RIC1: variants seen among roughly 807,000 people sequenced by gnomAD.
The protein encoded by RIC1 is RIC1 partner of RAB6A GEF complex.
A neutral mutation model predicts 169.0 loss-of-function variants in RIC1; 88 were observed. The ratio of observed to expected loss-of-function variants is 0.52; its 90% CI spans 0.44 to 0.62. The LOEUF (loss-of-function observed/expected upper bound fraction) is 0.62, where lower values mean the gene tolerates loss of function less well. Among genes scored for constraint, RIC1 ranks in the 20% least tolerant of loss-of-function variants. The pLI, the probability that RIC1 is intolerant of heterozygous loss-of-function variation, is 0.00. For missense variants in RIC1, 1,877 were observed against 1,725.5 expected (o/e 1.09, Z -1.56); for synonymous variants, 790 against 601.5 (o/e 1.31, Z -4.59).
At chr9:5,688,387 C>A (rs62557384) in intron 2 of RIC1, among the ~76,000 whole-genome samples, 3,965 of 152,208 alleles carry the variant, frequency 0.026, 76 homozygotes, top group Middle Eastern at 0.044. Context: ...GGATGACTGG[C>A]CTTCATTGCT....
At chr9:5,742,426 G>A (rs1825135168) in intron 8 of RIC1, among the ~76,000 whole-genome samples, 1 of 152,034 alleles carries the variant, frequency 6.6e-6, no homozygotes, top group South Asian at 2.1e-4. Context: ...GGTGTCATTT[G>A]CTGTACTTCC....
chr9:5,714,874 A>C (rs147282488), intron 4 of RIC1, among the ~76,000 whole-genome samples: 67 of 152,144 alleles, frequency 4.4e-4, no homozygotes, highest in Non-Finnish European at 7.1e-4. Context: ...ATATTGAACT[A>C]TGTAAATGTA....
At chr9:5,676,136 C>T (rs971143586) in intron 2 of RIC1, among the ~76,000 whole-genome samples, 1 of 152,152 alleles carries the variant, frequency 6.6e-6, no homozygotes, top group Non-Finnish European at 1.5e-5. Context: ...AGGCTGGTCT[C>T]AATCTCCTGG....
At chr9:5,745,790 G>A in intron 10 of RIC1, 141 bp from the exon 11 acceptor site, 1 of 670,460 alleles carries the variant, frequency 1.5e-6, no homozygotes. Flanking sequence ...TCTTGTCTGT[G>A]TTATCACGGT....
chr9:5,668,442 A>T (rs73392620), intron 2 of RIC1, among the ~76,000 whole-genome samples: 1 of 152,122 alleles, frequency 6.6e-6, no homozygotes, highest in Admixed American at 6.5e-5. Flanking sequence ...TTGGATTTGT[A>T]TATTCACGGA....
At chr9:5,727,473 T>C (rs571629504) in intron 6 of RIC1, among the ~76,000 whole-genome samples, 2 of 152,322 alleles carry the variant, frequency 1.3e-5, no homozygotes, top group East Asian at 3.9e-4. Flanking sequence ...TTCTTTGCAA[T>C]GGGTTCGAGC....
Position 5,750,362 on chromosome 9 carries a change from G to A in RIC1, c.1453-2838G>A, listed in dbSNP as rs181182694. 1.6e-3 allele frequency among the ~76,000 whole-genome samples: 236 copies of A among 151,940 alleles called. 1 individual carries two copies. The highest frequency in any genetic ancestry group is 2.8e-3 in the Non-Finnish European group (189 of 67,998). On this transcript the variant is annotated intron_variant, in intron 12 of 25. Transcript: ENST00000414202. The stretch of plus-strand genomic sequence containing the variant: ...GATGGTTAGCTTGGCTATTTAGAAA[G>A]AATAAGCTTCACAAAATGTGGAAGA...
intron 1 of RIC1, among the ~76,000 whole-genome samples, chr9:5,639,883 A>C (rs546971535): frequency 6.6e-6 from 1 of 152,292 alleles, no homozygotes; most frequent in African/African-American, 2.4e-5. Context: ...CAGTATTTAT[A>C]TAATTACTCC....
At chr9:5,650,685 C>A (rs372056954) in intron 1 of RIC1, among the ~76,000 whole-genome samples, 4 of 152,050 alleles carry the variant, frequency 2.6e-5, no homozygotes, top group Non-Finnish European at 5.9e-5. Flanking sequence ...GATGGGGTTA[C>A]TGTCAGTGGC....
chr9:5,700,354 C>T (rs1430902552), intron 3 of RIC1, among the ~76,000 whole-genome samples: 3 of 151,898 alleles, frequency 2.0e-5, no homozygotes, highest in African/African-American at 7.3e-5. Context: ...TCTTTTTGTT[C>T]ATTTGTGATT....
At chr9:5,708,701 T>TTTTGACA (rs1822750561) in intron 3 of RIC1, among the ~76,000 whole-genome samples, 1 of 152,142 alleles carries the variant, frequency 6.6e-6, no homozygotes, top group South Asian at 2.1e-4. Flanking sequence ...TTTGACAGTT[T>TTTTGACA]GAACATGATG....
At chr9:5,668,094 G>A (rs536408005) in intron 2 of RIC1, among the ~76,000 whole-genome samples, 76 of 152,268 alleles carry the variant, frequency 5.0e-4, no homozygotes, top group African/African-American at 1.8e-3. Flanking sequence ...TCACGTGGTG[G>A]CAGGAGAGAA....
chr9:5,676,960 G>T (rs1448010337), intron 2 of RIC1, among the ~76,000 whole-genome samples: 1 of 152,150 alleles, frequency 6.6e-6, no homozygotes, highest in Non-Finnish European at 1.5e-5. Context: ...CCCGTTTGGG[G>T]CTGTAACAAA....
rs1823530345 is a variant in RIC1 at position 5,720,616 on chromosome 9, G to C, written c.586G>C (p.Gly196Arg). The C allele has an allele frequency of 6.3e-7, 1 of 1,585,146 alleles. No individual in the cohort carries two copies. Among genetic ancestry groups the C allele is most frequent in the Non-Finnish European group, 8.5e-7 (1 of 1,171,868 alleles). ...FSVDLQSSRVGSFLGFTDVHI... is the reference protein window; with the variant it reads ...FSVDLQSSRVRSFLGFTDVHI... ...CATGTGCTTATTTTTTTCATCAGTA[G>C]GTTCATTCCTGGGCTTCACAGACGT... Residue 196 changes from glycine to arginine, a missense_variant and splice_region_variant, in exon 6 of 26, where the codon GGT becomes CGT. Physicochemically the swap from Gly to Arg is moderately radical, Grantham distance 125. Transcript: ENST00000414202.
chr9:5,709,542 T>C (rs575005683), intron 3 of RIC1, among the ~76,000 whole-genome samples: 1 of 152,312 alleles, frequency 6.6e-6, no homozygotes, highest in South Asian at 2.1e-4. Context: ...GTTGAGAGGA[T>C]GTGTATAGAA....
intron 9 of RIC1, 121 bp from the exon 10 acceptor site, chr9:5,743,568 T>G: frequency 2.7e-6 from 2 of 736,662 alleles, no homozygotes; most frequent in East Asian, 2.6e-5. Context: ...ATTTCATGCA[T>G]TATTATGTAT....
At chr9:5,689,838 C>A in intron 2 of RIC1, 121 bp from the exon 3 acceptor site, 9 of 607,866 alleles carry the variant, frequency 1.5e-5, no homozygotes, top group Non-Finnish European at 1.1e-5. Flanking sequence ...GGCTATAATT[C>A]TCCAAGGGAG....
At chr9:5,647,662 T>A (rs1380523050) in intron 1 of RIC1, among the ~76,000 whole-genome samples, 1 of 152,184 alleles carries the variant, frequency 6.6e-6, no homozygotes, top group African/African-American at 2.4e-5. Context: ...ATCTTTAGAG[T>A]CTTTACATAT....
At chr9:5,733,640 A>G (rs1824511905) in intron 7 of RIC1, among the ~76,000 whole-genome samples, 2 of 152,272 alleles carry the variant, frequency 1.3e-5, no homozygotes, top group African/African-American at 4.8e-5. Flanking sequence ...AAAGTAGGGA[A>G]TCCTCATCCT....
Sources: allele counts gnomAD v4.1 joint callset (sites outside exome capture counted in the v4.1 genomes callset), GRCh38; gene constraint gnomAD v4.1.1; transcripts MANE v1.5; gene names NCBI Gene and HGNC (gene_info 2026-07-23, HGNC 2026-07-21).